Variants in NFX1 observed in about 807,000 individuals in gnomAD.
NFX1 encodes nuclear transcription factor, X-box binding 1.
Under a neutral mutation model 137.2 loss-of-function variants are expected in NFX1, and 69 were observed. That is an observed-to-expected ratio of 0.50 (90% CI 0.41 to 0.61). The LOEUF is 0.61. NFX1 is among the 20% of genes least tolerant of loss of function. The probability of loss-of-function intolerance (pLI) is 0.00; values close to 1 mark genes in which losing one functional copy is unlikely to be tolerated. For missense variants in NFX1, 1,167 were observed against 1,391.0 expected, an observed-to-expected ratio of 0.84 and a Z score of 2.56; for synonymous variants, 495 against 474.1, an observed-to-expected ratio of 1.04 and a Z score of -0.57.
chr9:33,330,999 T>C (rs1437102424), intron 10 of NFX1, among the ~76,000 whole-genome samples: 4 of 152,086 alleles, frequency 2.6e-5, no homozygotes, highest in African/African-American at 7.2e-5. Context: ...ACCCCGTCTC[T>C]ACTAAAAATA....
At chr9:33,302,392 T>C in intron 3 of NFX1, among the ~76,000 whole-genome samples, 1 of 141,798 alleles carries the variant, frequency 7.1e-6, no homozygotes, top group African/African-American at 2.6e-5. Context: ...GACAGAGTCT[T>C]ACTCTGTTAC....
At chr9:33,318,466 T>G (rs941267297) in intron 7 of NFX1, among the ~76,000 whole-genome samples, 1 of 152,238 alleles carries the variant, frequency 6.6e-6, no homozygotes, top group Non-Finnish European at 1.5e-5. Flanking sequence ...TGGAATGTGC[T>G]GCAGAGGCAC....
intron 7 of NFX1, 71 bp from the exon 8 acceptor site, chr9:33,318,660 T>C (rs1822264507): frequency 2.9e-6 from 4 of 1,390,822 alleles, no homozygotes; most frequent in Non-Finnish European, 4.1e-6. Context: ...TATTTTCTTA[T>C]AGATTATTTG....
In NFX1 at chr9:33,306,551, G is replaced by A. The variant is rs139726156; in HGVS notation, c.1271-643G>A. Among the ~76,000 whole-genome samples, 7 of 152,288 alleles carry A rather than the reference G, an allele frequency of 4.6e-5. No homozygotes were observed. The East Asian group carries it at 1.4e-3, about 29-fold the overall frequency. ...AGAAAAGCAGAGGCCATGGACTGGG[G>A]ATGGCTGCAATTTAGTGTGCAAATT... On this transcript the variant is annotated intron_variant, in intron 4 of 23. Transcript: ENST00000379540.
Position 33,370,048 on chromosome 9 carries a change from C to A in NFX1, c.*70C>A. 1.7e-6 allele frequency: 2 copies of A among 1,187,526 alleles called. No individual in the cohort carries two copies. The highest frequency in any genetic ancestry group is 2.5e-6 in the Non-Finnish European group (2 of 806,486). 73.6% of individuals were successfully genotyped at this position (1,187,526 alleles called of 1,614,324 possible). ...GAGACTTATTTGCCAGCAGATAAAT[C>A]ATGCCCGTTCCCCTCTGCCTGGCAG... On this transcript the variant is annotated 3_prime_UTR_variant, in exon 24 of 24. Transcript: ENST00000379540.
At chr9:33,360,029 T>TA (rs1303901138) in intron 19 of NFX1, among the ~76,000 whole-genome samples, 2 of 152,206 alleles carry the variant, frequency 1.3e-5, no homozygotes, top group Non-Finnish European at 2.9e-5. Flanking sequence ...GTTTGACCCT[T>TA]ATAATAACTT....
At chr9:33,338,659 T>C in intron 12 of NFX1, 70 bp downstream of exon 12, 2 of 1,359,052 alleles carry the variant, frequency 1.5e-6, no homozygotes, top group Non-Finnish European at 2.0e-6. Flanking sequence ...GCCTGAGCCA[T>C]GTGGAGAATG....
At chr9:33,365,549 A>C (rs1481840338) in intron 21 of NFX1, 3 of 152,302 alleles carry the variant, frequency 2.0e-5, no homozygotes, top group Non-Finnish European at 4.4e-5. Flanking sequence ...TCAAGCCTGC[A>C]GTAAGCTGAG....
At chr9:33,332,987 A>G (rs148732200) in intron 11 of NFX1, among the ~76,000 whole-genome samples, 4,267 of 152,244 alleles carry the variant, frequency 0.028, 96 homozygotes, top group Non-Finnish European at 0.042. Flanking sequence ...CTGGGATTAC[A>G]GGTGTCCACC....
Position 33,295,172 on chromosome 9 carries a change from A to T in NFX1, c.778A>T (p.Asn260Tyr), listed in dbSNP as rs1200939782. ...GGGGGCCAGGCCACGACCAGGCAGA[A>T]ATCCACCAAAACAGGAGGGCCACCG... ...VEGARPRPGR[N>Y]PPKQEGHRHT... Residue 260 changes from asparagine (N) to tyrosine (Y), a missense_variant, in exon 2 of 24, where the codon AAT becomes TAT. Around this residue, in one of 3 missense-constraint regions of NFX1, gnomAD observed 367 missense variants for 386.7 expected, o/e 0.95. Transcript: ENST00000379540. The T allele has an allele frequency of 1.2e-5, 19 of 1,614,032 alleles. No homozygotes were observed. Among genetic ancestry groups the T allele is most frequent in the Non-Finnish European group, 1.6e-5 (19 of 1,180,024 alleles).
At chr9:33,296,956 G>T (rs930485898) in intron 2 of NFX1, among the ~76,000 whole-genome samples, 1 of 152,024 alleles carries the variant, frequency 6.6e-6, no homozygotes, top group African/African-American at 2.4e-5. Flanking sequence ...TTGTGACCCT[G>T]CTGCCCCACA....
intron 13 of NFX1, 145 bp from the exon 14 acceptor site, chr9:33,343,923 TA>T: frequency 2.0e-6 from 2 of 996,010 alleles, no homozygotes; most frequent in Non-Finnish European, 2.9e-6. Context: ...TTTAATAAAA[TA>T]AAAACCTCTT....
intron 3 of NFX1, among the ~76,000 whole-genome samples, chr9:33,302,306 G>A (rs914671403): frequency 6.8e-6 from 1 of 146,132 alleles, no homozygotes; most frequent in African/African-American, 2.5e-5. Flanking sequence ...ATAAATTGTT[G>A]TTAGCCATAG....
Position 33,364,088 on chromosome 9 carries a change from T to C in NFX1, c.2952T>C (p.Asp984=), listed in dbSNP as rs1272078466. The change falls in exon 20 of 24, where the codon GAT becomes GAC. Residue 984 remains aspartate (D), a synonymous_variant. Transcript: ENST00000379540. ...NIRSSGSKFS[D]SLKEDARKDL... ...GTTCTTCAGGGTCAAAATTCAGTGATAGTTTGAAAGAAGATGCCAGGTATG... is the reference window on the plus strand; with the variant it reads ...GTTCTTCAGGGTCAAAATTCAGTGACAGTTTGAAAGAAGATGCCAGGTATG... The C allele has an allele frequency of 1.8e-5, 29 of 1,603,280 alleles. No homozygotes were observed. The South Asian group carries it at 3.0e-4, about 17-fold the overall frequency.
intron 6 of NFX1, 70 bp from the exon 7 acceptor site, chr9:33,313,584 G>A (rs978635819): frequency 9.3e-6 from 14 of 1,504,210 alleles, no homozygotes; most frequent in African/African-American, 4.1e-5. Flanking sequence ...GTTAGGGGCC[G>A]CAGTGTTAGT....
chr9:33,355,499 C>G (rs186670098), intron 19 of NFX1, among the ~76,000 whole-genome samples: 2 of 152,134 alleles, frequency 1.3e-5, no homozygotes, highest in Admixed American at 6.5e-5. Context: ...GACATTCACT[C>G]CTGTTGTTGC....
Position 33,339,420 on chromosome 9 carries a change from C to T in NFX1, c.2115+831C>T, listed in dbSNP as rs556725128. Reference sequence around the variant, plus strand: ...GACTTATTCACTATCACGAGAACAGCACAAGAAAGACCTGCCCCCACGATT... The same window carrying T: ...GACTTATTCACTATCACGAGAACAGTACAAGAAAGACCTGCCCCCACGATT... On this transcript the variant is annotated intron_variant, in intron 12 of 23. Coordinates refer to ENST00000379540, the MANE Select transcript of NFX1 (RefSeq NM_002504.6). Among the ~76,000 whole-genome samples the T allele has an allele frequency of 2.6e-5, 4 of 152,268 alleles. No individual in the cohort carries two copies. In the South Asian group the frequency reaches 8.3e-4, roughly 32 times the overall value.
At chr9:33,291,528 G>A (rs919215332) in intron 1 of NFX1, among the ~76,000 whole-genome samples, 1 of 152,222 alleles carries the variant, frequency 6.6e-6, no homozygotes, top group South Asian at 2.1e-4. Flanking sequence ...TCCCTGACCA[G>A]CCGTTGGGGC....
At chr9:33,342,128 T>TCACACACACACACA (rs150408873) in intron 12 of NFX1, among the ~76,000 whole-genome samples, 13 of 146,186 alleles carry the variant, frequency 8.9e-5, no homozygotes, top group African/African-American at 3.0e-4. Flanking sequence ...TCTCTCTCTC[T>TCACACACACACACA]CACACACACA....
Sources: allele counts gnomAD v4.1 joint callset (sites outside exome capture counted in the v4.1 genomes callset), GRCh38; gene constraint gnomAD v4.1.1; regional missense constraint gnomAD v4.1.1; transcripts MANE v1.5; gene names NCBI Gene and HGNC (gene_info 2026-07-23, HGNC 2026-07-21).